Variants in ADARB2 observed in about 807,000 individuals in gnomAD.
ADARB2 encodes inactive double-stranded RNA-specific editase B2.
ADARB2 carries 25 observed loss-of-function variants against 62.2 expected under a neutral mutation model. The ratio of observed to expected loss-of-function variants is 0.40; its 90% CI spans 0.29 to 0.56. ADARB2 has a LOEUF of 0.56. Ranked by LOEUF, ADARB2 falls within the 20% of genes least tolerant of loss-of-function variation. ADARB2 has a pLI of 0.43. For synonymous variants in ADARB2, 572 were observed against 500.8 expected, an observed-to-expected ratio of 1.14 and a Z score of -1.90; for missense variants, 1,071 against 1,077.4, an observed-to-expected ratio of 0.99 and a Z score of 0.08.
intron 1 of ADARB2, among the ~76,000 whole-genome samples, chr10:1,625,597 A>C (rs1233743034): frequency 2.0e-5 from 3 of 152,140 alleles, no homozygotes; most frequent in Non-Finnish European, 4.4e-5. Context: ...GGGAGTCCCC[A>C]CTGGCTTTGT....
intron 1 of ADARB2, among the ~76,000 whole-genome samples, chr10:1,472,062 G>T (rs1588270143): frequency 6.6e-6 from 1 of 152,196 alleles, no homozygotes; most frequent in African/African-American, 2.4e-5. Context: ...AAGTCTAAGA[G>T]TTCAACAAGC....
At chr10:1,499,595 T>A (rs896408294) in intron 1 of ADARB2, among the ~76,000 whole-genome samples, 1 of 151,302 alleles carries the variant, frequency 6.6e-6, no homozygotes, top group African/African-American at 2.4e-5. Context: ...CACCACTCAT[T>A]TTTACTCAAC....
chr10:1,299,701 C>T (rs1380978513), intron 3 of ADARB2, among the ~76,000 whole-genome samples: 5 of 152,190 alleles, frequency 3.3e-5, no homozygotes, highest in Admixed American at 2.6e-4. Context: ...TTTCATCCAT[C>T]AGACTAGGGA....
intron 1 of ADARB2, among the ~76,000 whole-genome samples, chr10:1,421,152 C>G (rs1832849727): frequency 6.6e-6 from 1 of 151,976 alleles, no homozygotes; most frequent in African/African-American, 2.4e-5. Flanking sequence ...GGCGGGGGCT[C>G]CTTCAGACCT....
chr10:1,631,481 C>T (rs140653086), intron 1 of ADARB2, among the ~76,000 whole-genome samples: 80 of 152,254 alleles, frequency 5.3e-4, no homozygotes, highest in African/African-American at 1.8e-3. Context: ...GATGTCAGAG[C>T]GCAAAAAATA....
intron 1 of ADARB2, among the ~76,000 whole-genome samples, chr10:1,698,105 G>C (rs61831983): frequency 0.091 from 13,808 of 152,152 alleles, 764 homozygotes; most frequent in African/African-American, 0.15. Context: ...GCCCTCTCTG[G>C]CTTCCCTCTT....
At chr10:1,461,032 C>T (rs1027610245) in intron 1 of ADARB2, among the ~76,000 whole-genome samples, 2 of 152,202 alleles carry the variant, frequency 1.3e-5, no homozygotes, top group Non-Finnish European at 1.5e-5. Flanking sequence ...TTAATTTGGA[C>T]ATTATATATT....
chr10:1,576,024 C>T (rs1554773060), intron 1 of ADARB2, among the ~76,000 whole-genome samples: 13 of 73,678 alleles, frequency 1.8e-4, no homozygotes, highest in African/African-American at 4.7e-4. Flanking sequence ...TGGGAGGGGG[C>T]CCAGGGCCAC....
At chr10:1,730,764 A>G (rs1365011106) in intron 1 of ADARB2, among the ~76,000 whole-genome samples, 1 of 150,232 alleles carries the variant, frequency 6.7e-6, no homozygotes, top group Non-Finnish European at 1.5e-5. Flanking sequence ...CTGTTCTGCT[A>G]TGTTTTCAGA....
intron 1 of ADARB2, among the ~76,000 whole-genome samples, chr10:1,572,634 G>T (rs1236905942): frequency 6.6e-6 from 1 of 151,694 alleles, no homozygotes; most frequent in Non-Finnish European, 1.5e-5. Flanking sequence ...GGCAGAACTT[G>T]GCATAATACT....
intron 1 of ADARB2, among the ~76,000 whole-genome samples, chr10:1,468,526 T>A (rs1039733944): frequency 1.3e-5 from 2 of 152,218 alleles, no homozygotes; most frequent in Non-Finnish European, 2.9e-5. Flanking sequence ...ACAGTGTTAT[T>A]CTGGCATCGG....
At chr10:1,720,174 C>T (rs1240630624) in intron 1 of ADARB2, among the ~76,000 whole-genome samples, 2 of 152,204 alleles carry the variant, frequency 1.3e-5, no homozygotes, top group African/African-American at 2.4e-5. Flanking sequence ...TCCACATACA[C>T]TGTGGAATAT....
intron 1 of ADARB2, among the ~76,000 whole-genome samples, chr10:1,623,974 G>A (rs1260652976): frequency 4.6e-5 from 7 of 152,156 alleles, no homozygotes; most frequent in Admixed American, 1.3e-4. Context: ...TGACTCACAC[G>A]TATGATCTAG....
Position 1,242,182 on chromosome 10 carries a change from G to C in ADARB2, c.1310C>G (p.Ala437Gly). 1 of 1,610,772 alleles carries C rather than the reference G, an allele frequency of 6.2e-7. No individual in the cohort carries two copies. The highest frequency in any genetic ancestry group is 8.5e-7 in the Non-Finnish European group (1 of 1,179,554). The change falls in exon 5 of 10, where the codon GCC (alanine) becomes GGC (glycine). Residue 437 changes from alanine (A) to glycine (G), a missense_variant. Physicochemically the swap from Ala to Gly is moderately conservative, Grantham distance 60. Transcript: ENST00000381312. ...GAGGAAGTGCAGGAACGCCCGCCGG[G>C]CCACGACCTCCGCGTGGCAGTCATT... ...VVNDCHAEVV[A>G]RRAFLHFLYT...
intron 1 of ADARB2, among the ~76,000 whole-genome samples, chr10:1,627,798 C>CA (rs924374128): frequency 4.2e-4 from 64 of 152,304 alleles, no homozygotes; most frequent in African/African-American, 1.5e-3. Context: ...CTCTAATATA[C>CA]AAAATCAAAT....
rs80073905 is a variant in ADARB2 at position 1,268,642 on chromosome 10, T to G, written c.1192+2313A>C. On this transcript the variant is annotated intron_variant, in intron 4 of 9. Transcript: ENST00000381312. ...TTAAGATCAAATGGCACATCAACTT[T>G]AAGTAAATGAGTATCTAAAAATGTT... Among the ~76,000 whole-genome samples the G allele has an allele frequency of 4.1e-3, 623 of 152,042 alleles. 4 individuals are homozygous for G. The highest frequency in any genetic ancestry group is 0.014 in the African/African-American group (596 of 41,318).
intron 1 of ADARB2, among the ~76,000 whole-genome samples, chr10:1,699,582 T>G (rs28408195): frequency 7.4e-3 from 82 of 11,114 alleles, no homozygotes; most frequent in African/African-American, 0.01. Context: ...GCCAATACAC[T>G]CAATCCCACT....
chr10:1,450,572 A>G (rs1005210677), intron 1 of ADARB2, among the ~76,000 whole-genome samples: 7 of 152,272 alleles, frequency 4.6e-5, no homozygotes, highest in South Asian at 2.1e-4. Flanking sequence ...CCTTTTGTTG[A>G]GGATGTCTGG....
At chr10:1,325,587 TAAGAA>T (rs905111422) in intron 3 of ADARB2, among the ~76,000 whole-genome samples, 2 of 152,100 alleles carry the variant, frequency 1.3e-5, no homozygotes, top group African/African-American at 4.8e-5. Flanking sequence ...GGAAAAGAAA[TAAGAA>T]AAGTATTCAA....
Sources: allele counts gnomAD v4.1 joint callset (sites outside exome capture counted in the v4.1 genomes callset), GRCh38; gene constraint gnomAD v4.1.1; transcripts MANE v1.5; gene names NCBI Gene and HGNC (gene_info 2026-07-23, HGNC 2026-07-21).